The following EPSTI1 variants were observed in gnomAD, a reference collection of about 807,000 sequenced individuals.
EPSTI1 encodes epithelial stromal interaction 1.
Under a neutral mutation model 49.9 loss-of-function variants are expected in EPSTI1, and 66 were observed. The ratio of observed to expected loss-of-function variants is 1.32; its 90% CI spans 1.08 to 1.62. The LOEUF is 1.62. Ranked by LOEUF, EPSTI1 falls within the 40% of genes most tolerant of loss-of-function variation. EPSTI1 has a pLI of 0.00. For missense variants in EPSTI1, 394 were observed against 365.5 expected, an observed-to-expected ratio of 1.08 and a Z score of -0.64; for synonymous variants, 137 against 130.7, an observed-to-expected ratio of 1.05 and a Z score of -0.33.
chr13:42,950,660 A>AT (rs2039066825), intron 6 of EPSTI1, among the ~76,000 whole-genome samples: 1 of 152,168 alleles, frequency 6.6e-6, no homozygotes, highest in Non-Finnish European at 1.5e-5. Context: ...TCCTCTCTAC[A>AT]GAAAAAAAAT....
chr13:42,977,932 C>T (rs1231736819), intron 1 of EPSTI1, among the ~76,000 whole-genome samples: 5 of 152,102 alleles, frequency 3.3e-5, no homozygotes, highest in African/African-American at 7.2e-5. Context: ...AGGCAGATCA[C>T]GAGGTCAGGA....
chr13:42,913,199 T>A (rs2037737049), intron 8 of EPSTI1, among the ~76,000 whole-genome samples: 1 of 151,700 alleles, frequency 6.6e-6, no homozygotes, highest in Admixed American at 6.6e-5. Flanking sequence ...AGAATACAAA[T>A]ACATGCAAAT....
At chr13:42,906,618 G>A (rs750334636) in intron 8 of EPSTI1, among the ~76,000 whole-genome samples, 2 of 152,194 alleles carry the variant, frequency 1.3e-5, no homozygotes, top group African/African-American at 2.4e-5. Context: ...GCTTTCGGGG[G>A]AAGGAGGAGA....
chr13:42,989,583 T>G (rs1437444878), intron 1 of EPSTI1, among the ~76,000 whole-genome samples: 1 of 82,884 alleles, frequency 1.2e-5, no homozygotes, highest in East Asian at 3.3e-4. Context: ...TTTTTTTTTT[T>G]GCTTTTTGTT....
chr13:42,889,598 A>G (rs1411093409), intron 10 of EPSTI1, among the ~76,000 whole-genome samples: 1 of 152,160 alleles, frequency 6.6e-6, no homozygotes. Context: ...TCAGTCTTTA[A>G]ATGGTGACAT....
chr13:42,975,105 C>G (rs1448327517), intron 1 of EPSTI1, among the ~76,000 whole-genome samples: 2 of 152,016 alleles, frequency 1.3e-5, no homozygotes, highest in Non-Finnish European at 2.9e-5. Context: ...ACTTATCTTT[C>G]CAGATAAGAC....
At position 42,922,628 on chromosome 13, in the gene EPSTI1, T is replaced by C. The variant is rs982478500; in HGVS notation, c.657+3708A>G. On this transcript the variant is annotated intron_variant, in intron 7 of 10. Coordinates refer to ENST00000313624, the MANE Select transcript of EPSTI1 (RefSeq NM_033255.5). This position sits in a 1 kb window ranked among gnomAD's most constrained non-coding sequence, Gnocchi z 4.8. ...TTGTTCTATTAGGTCACTACATTCG[T>C]GGTAATTTGTTACAGCAGCAAAGGG... Among the ~76,000 whole-genome samples the C allele has an allele frequency of 2.0e-5, 3 of 152,216 alleles. No individual in the cohort carries two copies. The highest frequency in any genetic ancestry group is 6.5e-5 in the Admixed American group (1 of 15,284).
chr13:42,964,034 C>T (rs1453859029), intron 4 of EPSTI1, 32 bp downstream of exon 4: 2 of 1,590,220 alleles, frequency 1.3e-6, no homozygotes, highest in East Asian at 2.2e-5. Flanking sequence ...ATATTCCTTA[C>T]CAAAATTCAA....
intron 5 of EPSTI1, among the ~76,000 whole-genome samples, chr13:42,960,622 A>G (rs1375229340): frequency 6.6e-6 from 1 of 152,240 alleles, no homozygotes; most frequent in East Asian, 1.9e-4. Context: ...ATTATCTTAC[A>G]GCTCTGGAGG....
At chr13:42,957,632 G>T (rs2039312665) in intron 5 of EPSTI1, among the ~76,000 whole-genome samples, 1 of 152,224 alleles carries the variant, frequency 6.6e-6, no homozygotes, top group Non-Finnish European at 1.5e-5. Flanking sequence ...CTGCAGTGCA[G>T]TGGTGCCATC....
chr13:42,894,197 GTATT>G (rs998402489), intron 10 of EPSTI1, among the ~76,000 whole-genome samples: 1 of 152,160 alleles, frequency 6.6e-6, no homozygotes, highest in Admixed American at 6.5e-5. Flanking sequence ...TGTCTGTCAA[GTATT>G]TATTAAAGGA....
At chr13:42,942,936 C>T (rs1163110674) in intron 6 of EPSTI1, among the ~76,000 whole-genome samples, 2 of 152,088 alleles carry the variant, frequency 1.3e-5, no homozygotes, top group East Asian at 1.9e-4. Flanking sequence ...GATCCACCCA[C>T]CTCGGCCTCC....
chr13:42,919,260 A>G, intron 7 of EPSTI1: 1 of 1,606,506 alleles, frequency 6.2e-7, no homozygotes, highest in Non-Finnish European at 8.5e-7. Flanking sequence ...ATCCAAACTT[A>G]TGAAAAGTTC....
At chr13:42,902,842 A>G (rs1161364249) in intron 8 of EPSTI1, among the ~76,000 whole-genome samples, 1 of 152,190 alleles carries the variant, frequency 6.6e-6, no homozygotes, top group Admixed American at 6.5e-5. Context: ...CAGGGCTTAC[A>G]TTTTCTCGTA....
rs573592873 is a variant in EPSTI1 at position 42,892,444 on chromosome 13, T to C, written c.915+2565A>G. On this transcript the variant is annotated intron_variant, in intron 10 of 10. Coordinates refer to ENST00000313624, the MANE Select transcript of EPSTI1 (RefSeq NM_033255.5). The stretch of plus-strand genomic sequence containing the variant: ...GTGAGAAGCTGTTGGATTGGATGTA[T>C]TGGGAAGGAAGAGTCAAGAGGATTT... 1.4e-4 allele frequency among the ~76,000 whole-genome samples: 21 copies of C among 152,186 alleles called. No individual in the cohort carries two copies. In the South Asian group the frequency reaches 3.7e-3, roughly 27 times the overall value.
rs556462033 is a variant in EPSTI1 at position 42,942,912 on chromosome 13, T to G, written c.563+11036A>C. On this transcript the variant is annotated intron_variant, in intron 6 of 10. Coordinates refer to ENST00000313624, the MANE Select transcript of EPSTI1 (RefSeq NM_033255.5). ...ACCTTGTTAGCCAGGATGGTCTCGA[T>G]CTCCTGACCTCATGATCCACCCACC... Among the ~76,000 whole-genome samples, 717 of 151,930 alleles carry G rather than the reference T, an allele frequency of 4.7e-3. 7 individuals carry two copies. The highest frequency in any genetic ancestry group is 0.016 in the African/African-American group (662 of 41,422).
At chr13:42,927,612 G>C (rs560723188) in intron 6 of EPSTI1, among the ~76,000 whole-genome samples, 1 of 152,186 alleles carries the variant, frequency 6.6e-6, no homozygotes, top group African/African-American at 2.4e-5. Flanking sequence ...CTAAACAGGT[G>C]CCAGCATCAC....
At chr13:42,963,402 C>A in intron 4 of EPSTI1, 64 bp from the exon 5 acceptor site, 1 of 1,309,470 alleles carries the variant, frequency 7.6e-7, no homozygotes. Flanking sequence ...AACTCTGGAA[C>A]ACAAAATTAT....
intron 1 of EPSTI1, among the ~76,000 whole-genome samples, chr13:42,990,505 T>C (rs2040174704): frequency 6.6e-6 from 1 of 152,236 alleles, no homozygotes. Context: ...TCGTTAACTA[T>C]TCATGGACAC....
Sources: allele counts gnomAD v4.1 joint callset (sites outside exome capture counted in the v4.1 genomes callset), GRCh38; gene constraint gnomAD v4.1.1; non-coding constraint Gnocchi (gnomAD v3.1); transcripts MANE v1.5; gene names NCBI Gene and HGNC (gene_info 2026-07-23, HGNC 2026-07-21).